MYO16: variants seen among roughly 807,000 people sequenced by gnomAD.
MYO16 encodes myosin XVI.
A neutral mutation model predicts 205.3 loss-of-function variants in MYO16; 94 were observed. The observed-to-expected ratio is 0.46, with a 90% CI of 0.39 to 0.54. The LOEUF is 0.54. MYO16 is among the 20% of genes least tolerant of loss of function. MYO16 has a pLI of 0.00. For missense variants in MYO16, 2,315 were observed against 2,387.5 expected (o/e 0.97, Z 0.63); for synonymous variants, 988 against 954.0 (o/e 1.04, Z -0.66).
chr13:109,195,046 C>CA lies in MYO16; in HGVS notation c.5416-11553dup, dbSNP rs376878418. 4.3e-3 allele frequency among the ~76,000 whole-genome samples: 594 copies of CA among 139,468 alleles called. 2 individuals carry two copies. Among genetic ancestry groups the CA allele is most frequent in the South Asian group, 0.012 (55 of 4,458 alleles). 91.5% of individuals were successfully genotyped at this position (139,468 alleles called of 152,430 possible). A position where few individuals can be genotyped will look rare whatever the true frequency, so the allele number is the denominator to read the frequency against. On this transcript the variant is annotated intron_variant, in intron 34 of 34. Transcript: ENST00000457511. The stretch of plus-strand genomic sequence containing the variant: ...AGAGGTTAAAATCAGCTGCCAAATG[C>CA]AAAAAAAAAAGGTACTTAAATTATA...
chr13:108,762,663 A>T (rs1336360957), intron 4 of MYO16, among the ~76,000 whole-genome samples: 1 of 152,232 alleles, frequency 6.6e-6, no homozygotes, highest in Non-Finnish European at 1.5e-5. Flanking sequence ...TTGCATTCTC[A>T]TTTGAAAACA....
intron 16 of MYO16, among the ~76,000 whole-genome samples, chr13:108,955,722 G>A (rs1325309292): frequency 6.6e-6 from 1 of 152,112 alleles, no homozygotes; most frequent in African/African-American, 2.4e-5. Flanking sequence ...ACGGTGGCAG[G>A]CGCCTGTAAT....
chr13:109,001,099 A>G (rs1055952339), intron 21 of MYO16, among the ~76,000 whole-genome samples: 2 of 151,704 alleles, frequency 1.3e-5, no homozygotes, highest in African/African-American at 4.8e-5. Context: ...TGTTATATAT[A>G]CTTTAATTTT....
At chr13:108,909,916 T>G in intron 15 of MYO16, 87 bp from the exon 16 acceptor site, 1 of 1,354,990 alleles carries the variant, frequency 7.4e-7, no homozygotes, top group South Asian at 1.4e-5. Context: ...AGTCCTTGTA[T>G]CTCTTGTAAT....
chr13:108,730,045 T>A (rs186674024), intron 4 of MYO16, among the ~76,000 whole-genome samples: 78 of 152,264 alleles, frequency 5.1e-4, no homozygotes, highest in Admixed American at 2.1e-3. Context: ...GTACATGAAA[T>A]GACTCCCCTT....
chr13:109,011,596 C>G (rs1012181384), intron 22 of MYO16, among the ~76,000 whole-genome samples: 1 of 150,500 alleles, frequency 6.6e-6, no homozygotes, highest in African/African-American at 2.4e-5. Context: ...CTCACTGCAG[C>G]CTCTGCCTCC....
intron 13 of MYO16, among the ~76,000 whole-genome samples, chr13:108,884,460 G>T (rs1390697794): frequency 6.6e-6 from 1 of 151,676 alleles, no homozygotes; most frequent in East Asian, 2.0e-4. Flanking sequence ...ACCCATTCTA[G>T]ACTCAAAAAT....
intron 19 of MYO16, among the ~76,000 whole-genome samples, chr13:108,963,430 C>A (rs540427226): frequency 6.6e-6 from 1 of 152,276 alleles, no homozygotes; most frequent in Admixed American, 6.5e-5. Context: ...AGGTCAGACA[C>A]ACGCCATAAA....
the MYO16 span, among the ~76,000 whole-genome samples, chr13:108,572,300 C>T: frequency 6.6e-5 from 10 of 152,178 alleles, no homozygotes; most frequent in South Asian, 2.1e-4. Flanking sequence ...TTTACTAAGG[C>T]CTATTGTCTA....
intron 1 of MYO16, among the ~76,000 whole-genome samples, chr13:108,646,315 G>A (rs1179239600): frequency 1.3e-5 from 2 of 151,890 alleles, no homozygotes; most frequent in African/African-American, 4.8e-5. Context: ...AGATTTTAGA[G>A]GCACACAGAT....
At chr13:108,950,239 TATC>T (rs77811276) in intron 16 of MYO16, among the ~76,000 whole-genome samples, 15,023 of 152,150 alleles carry the variant, frequency 0.099, 885 homozygotes, top group Middle Eastern at 0.23. Flanking sequence ...TCATTAAAAA[TATC>T]AGACAAGGTT....
chr13:108,530,730 T>C, the MYO16 span, among the ~76,000 whole-genome samples: 1 of 152,240 alleles, frequency 6.6e-6, no homozygotes, highest in African/African-American at 2.4e-5. Flanking sequence ...ATATACAATA[T>C]AATGTTATGT....
Position 108,901,938 on chromosome 13 carries a change from G to A in MYO16, c.1777+3805G>A, listed in dbSNP as rs118165834. ...ATCAGTTGTTTCCTGGTTTTAAGAA[G>A]AGAAATAAAAGGAATATGTTCAGAA... On this transcript the variant is annotated intron_variant, in intron 15 of 34. Coordinates refer to ENST00000457511, the MANE Select transcript of MYO16 (RefSeq NM_001198950.3). Among the ~76,000 whole-genome samples, 427 of 152,292 alleles carry A rather than the reference G, an allele frequency of 2.8e-3. 3 individuals carry two copies. Among genetic ancestry groups the A allele is most frequent in the South Asian group, 6.0e-3 (29 of 4,824 alleles).
At chr13:108,942,308 T>C (rs1882763731) in intron 16 of MYO16, among the ~76,000 whole-genome samples, 1 of 152,238 alleles carries the variant, frequency 6.6e-6, no homozygotes, top group African/African-American at 2.4e-5. Flanking sequence ...CTAAATGGAC[T>C]TCCCTTAGAC....
the MYO16 span, among the ~76,000 whole-genome samples, chr13:108,520,277 C>A: frequency 2.6e-5 from 4 of 151,934 alleles, no homozygotes; most frequent in Non-Finnish European, 5.9e-5. Context: ...AAATTATTTA[C>A]AAAACGATAA....
In MYO16 at chr13:109,035,658, C is replaced by T. The variant is rs146686912; in HGVS notation, c.2797-11258C>T. ...GAGATCATGCTACTGCACTCCAGCG[C>T]GGGTGACAAAGTGAGACTCTGCTTC... On this transcript the variant is annotated intron_variant, in intron 23 of 34. Coordinates refer to ENST00000457511, the MANE Select transcript of MYO16 (RefSeq NM_001198950.3). Among the ~76,000 whole-genome samples, 225 of 152,150 alleles carry T rather than the reference C, an allele frequency of 1.5e-3. 2 individuals carry two copies. The highest frequency in any genetic ancestry group is 4.7e-3 in the African/African-American group (195 of 41,506).
At chr13:108,876,325 C>T (rs1406627758) in intron 12 of MYO16, among the ~76,000 whole-genome samples, 2 of 151,374 alleles carry the variant, frequency 1.3e-5, no homozygotes, top group East Asian at 3.9e-4. Context: ...TTCACATGTA[C>T]TTTTGTGATT....
the MYO16 span, among the ~76,000 whole-genome samples, chr13:108,546,997 G>A: frequency 6.6e-6 from 1 of 152,110 alleles, no homozygotes; most frequent in Non-Finnish European, 1.5e-5. Flanking sequence ...TCAGGGCCGG[G>A]TACGGTGGCT....
intron 4 of MYO16, among the ~76,000 whole-genome samples, chr13:108,761,879 T>C (rs1192982017): frequency 6.6e-6 from 1 of 152,224 alleles, no homozygotes; most frequent in Admixed American, 6.5e-5. Context: ...TATACATTTA[T>C]GGAGTACAAG....
Sources: gnomAD v4.1 joint callset for allele counts (sites outside exome capture counted in the v4.1 genomes callset) on GRCh38, gnomAD v4.1.1 for gene constraint, MANE v1.5 for transcripts, NCBI Gene and HGNC (gene_info 2026-07-23, HGNC 2026-07-21) for gene names.